Variants in ARHGAP25 observed in about 807,000 individuals in gnomAD.
The protein encoded by ARHGAP25 is Rho GTPase activating protein 25.
In ARHGAP25, 34 loss-of-function variants were observed where a neutral mutation model predicts 71.0. The observed-to-expected ratio is 0.48, with a 90% confidence interval of 0.36 to 0.64. The LOEUF (loss-of-function observed/expected upper bound fraction) is 0.64. ARHGAP25 is among the 30% of genes least tolerant of loss of function. ARHGAP25 has a pLI of 0.00. For missense variants in ARHGAP25, 706 were observed against 805.1 expected (o/e 0.88, Z 1.49); for synonymous variants, 282 against 296.5 (o/e 0.95, Z 0.50).
At chr2:68,783,339 T>A (rs1321566986) in intron 3 of ARHGAP25, among the ~76,000 whole-genome samples, 1 of 152,192 alleles carries the variant, frequency 6.6e-6, no homozygotes, top group African/African-American at 2.4e-5. Context: ...TTGGGAATAA[T>A]CTAGAGATAA....
chr2:68,743,829 C>T (rs1273547469), intron 1 of ARHGAP25, among the ~76,000 whole-genome samples: 5 of 152,068 alleles, frequency 3.3e-5, no homozygotes, highest in Non-Finnish European at 7.3e-5. Flanking sequence ...GGACATGGAA[C>T]TCAGTGTGAA....
intron 2 of ARHGAP25, among the ~76,000 whole-genome samples, chr2:68,779,867 A>G (rs770996609): frequency 6.6e-6 from 1 of 152,148 alleles, no homozygotes; most frequent in Non-Finnish European, 1.5e-5. Context: ...TCTTCTTGCC[A>G]TTTATGAAGT....
At chr2:68,740,123 G>A (rs905765522) in intron 1 of ARHGAP25, among the ~76,000 whole-genome samples, 2 of 152,184 alleles carry the variant, frequency 1.3e-5, no homozygotes, top group Admixed American at 6.5e-5. Context: ...GGAAACAACT[G>A]CAAAGCGGTG....
At position 68,718,289 on chromosome 2, in the gene ARHGAP25, C is replaced by A. The variant is rs116117419; in HGVS notation, c.-18+7591C>A. Among the ~76,000 whole-genome samples the A allele has an allele frequency of 6.0e-3, 919 of 152,254 alleles. 14 individuals are homozygous for A. The highest frequency in any genetic ancestry group is 0.021 in the African/African-American group (879 of 41,518). The stretch of plus-strand genomic sequence containing the variant: ...TTTCTGGAGGATCTAAGGGGAGAAT[C>A]ATTTTCTCACCTTTCCCAGCTTCTA... On this transcript the variant is annotated intron_variant and NMD_transcript_variant, in intron 2 of 7. Transcript: ENST00000463483.
At chr2:68,712,356 G>A (rs545811243) in intron 2 of ARHGAP25, among the ~76,000 whole-genome samples, 3 of 151,782 alleles carry the variant, frequency 2.0e-5, no homozygotes, top group South Asian at 4.2e-4. Context: ...ACTTTTTGAC[G>A]GGTTTCTTTC....
rs140846028 is a variant in ARHGAP25 at position 68,766,714 on chromosome 2, T to TTCTCTC, written c.62-8493_62-8488dup. The stretch of plus-strand genomic sequence containing the variant: ...AGCCAGTACTCCTCTCTCTCTCCCC[T>TTCTCTC]TCTCTCTCTCTCTCTCTCTTGTTCT... On this transcript the variant is annotated intron_variant, in intron 1 of 10. Transcript: ENST00000409202. 7.7e-4 allele frequency among the ~76,000 whole-genome samples: 114 copies of TTCTCTC among 148,426 alleles called. 1 individual carries two copies. The highest frequency in any genetic ancestry group is 2.6e-3 in the African/African-American group (105 of 40,400).
At chr2:68,716,468 A>C (rs1421813663) in intron 2 of ARHGAP25, among the ~76,000 whole-genome samples, 1 of 152,150 alleles carries the variant, frequency 6.6e-6, no homozygotes, top group Non-Finnish European at 1.5e-5. Context: ...GTAGATGGGG[A>C]CACTGTGGTG....
Position 68,771,971 on chromosome 2 carries a change from G to A in ARHGAP25, c.62-3250G>A, listed in dbSNP as rs1045322622. Reference sequence around the variant, plus strand: ...CAAAGGTCCCCTTGGCCAGGTCTGGGAACATAAGATCCTCGCACTTACTCC... The same window carrying A: ...CAAAGGTCCCCTTGGCCAGGTCTGGAAACATAAGATCCTCGCACTTACTCC... On this transcript the variant is annotated intron_variant, in intron 1 of 10. Transcript: ENST00000409202. Among the ~76,000 whole-genome samples the A allele has an allele frequency of 9.2e-5, 14 of 152,322 alleles. No homozygotes were observed. The South Asian group carries it at 1.0e-3, about 11-fold the overall frequency.
chr2:68,724,506 A>G (rs6546430), intron 2 of ARHGAP25, among the ~76,000 whole-genome samples: 91,476 of 152,034 alleles, frequency 0.6, 29,302 homozygotes, highest in African/African-American at 0.82. Context: ...TGACCCTCAG[A>G]CCATTACCAA....
At chr2:68,768,418 C>T (rs1426266194) in intron 1 of ARHGAP25, among the ~76,000 whole-genome samples, 1 of 152,166 alleles carries the variant, frequency 6.6e-6, no homozygotes, top group Non-Finnish European at 1.5e-5. Context: ...CATGGTGGCT[C>T]ACATTTCGTT....
intron 1 of ARHGAP25, among the ~76,000 whole-genome samples, chr2:68,761,882 A>G (rs1676845983): frequency 6.6e-6 from 1 of 152,230 alleles, no homozygotes; most frequent in South Asian, 2.1e-4. Flanking sequence ...TCCGCATCTA[A>G]ATATATACTC....
At chr2:68,812,636 T>G (rs185846236) in intron 5 of ARHGAP25, among the ~76,000 whole-genome samples, 157 of 152,324 alleles carry the variant, frequency 1.0e-3, no homozygotes, top group Middle Eastern at 3.4e-3. Flanking sequence ...TATCATGGCA[T>G]TAGCCGCACA....
chr2:68,769,237 T>G (rs936203093), intron 1 of ARHGAP25, among the ~76,000 whole-genome samples: 1 of 152,184 alleles, frequency 6.6e-6, no homozygotes. Context: ...TTCTCTTTCT[T>G]TTCTCTCATT....
intron 2 of ARHGAP25, among the ~76,000 whole-genome samples, chr2:68,729,131 A>G (rs773283496): frequency 6.6e-6 from 1 of 152,200 alleles, no homozygotes; most frequent in Non-Finnish European, 1.5e-5. Context: ...GCTAATGGGT[A>G]TGGAGTTTCT....
chr2:68,736,097 A>G (rs1285855887), intron 1 of ARHGAP25, among the ~76,000 whole-genome samples: 1 of 152,198 alleles, frequency 6.6e-6, no homozygotes, highest in Non-Finnish European at 1.5e-5. Flanking sequence ...TATTAGATAT[A>G]GATAAGTATT....
Position 68,797,294 on chromosome 2 carries a change from T to C in ARHGAP25, c.466+9338T>C, listed in dbSNP as rs980254557. ...CCTTTGCTGTCCTGAAGTCTTAGGATAGGGAGGATAGGGCTGTCCCAGTGG... is the reference window on the plus strand; with the variant it reads ...CCTTTGCTGTCCTGAAGTCTTAGGACAGGGAGGATAGGGCTGTCCCAGTGG... On this transcript the variant is annotated intron_variant, in intron 4 of 10. Transcript: ENST00000409202. 1.1e-4 allele frequency among the ~76,000 whole-genome samples: 17 copies of C among 152,238 alleles called. No homozygotes were observed. In the East Asian group the frequency reaches 1.4e-3, roughly 12 times the overall value.
At chr2:68,774,950 G>A (rs1382558320) in intron 1 of ARHGAP25, 25 of 1,415,260 alleles carry the variant, frequency 1.8e-5, no homozygotes, top group Non-Finnish European at 2.2e-5. Context: ...GAATGACGGG[G>A]CCCGCCGCGG....
At chr2:68,808,000 G>A (rs1358665622) in intron 5 of ARHGAP25, among the ~76,000 whole-genome samples, 1 of 152,214 alleles carries the variant, frequency 6.6e-6, no homozygotes, top group East Asian at 1.9e-4. Context: ...CCCTTTTGCA[G>A]GAGCACATCC....
At chr2:68,731,704 T>C (rs1408582530), upstream of ARHGAP25, among the ~76,000 whole-genome samples, 1 of 152,142 alleles carries the variant, frequency 6.6e-6, no homozygotes, top group African/African-American at 2.4e-5. Flanking sequence ...GGAATCCTTT[T>C]TCCAACCCCC....
Sources: allele counts gnomAD v4.1 joint callset (sites outside exome capture counted in the v4.1 genomes callset), GRCh38; gene constraint gnomAD v4.1.1; transcripts MANE v1.5; gene names NCBI Gene and HGNC (gene_info 2026-07-23, HGNC 2026-07-21).